Variants in VSNL1 observed in about 807,000 individuals in gnomAD.
VSNL1 encodes visinin like 1.
In VSNL1, 6 loss-of-function variants were observed where a neutral mutation model predicts 20.4. That is an observed-to-expected ratio of 0.29 (90% CI 0.16 to 0.58). The LOEUF (loss-of-function observed/expected upper bound fraction) is 0.58. Ranked by LOEUF, VSNL1 falls within the 20% of genes least tolerant of loss-of-function variation. VSNL1 has a pLI of 0.90. For synonymous variants in VSNL1, 93 were observed against 86.4 expected (o/e 1.08, Z -0.42); for missense variants, 100 against 234.5 (o/e 0.43, Z 3.75).
intron 3 of VSNL1, among the ~76,000 whole-genome samples, chr2:17,652,736 T>C (rs1226107778): frequency 6.6e-6 from 1 of 152,242 alleles, no homozygotes; most frequent in African/African-American, 2.4e-5. Flanking sequence ...ACTTTTATCC[T>C]CTGTGTGCAG....
intron 1 of VSNL1, among the ~76,000 whole-genome samples, chr2:17,580,228 G>A (rs1348439999): frequency 6.6e-6 from 1 of 152,160 alleles, no homozygotes; most frequent in East Asian, 1.9e-4. Flanking sequence ...GCCTATGGTT[G>A]GGTCTAGAGT....
chr2:17,622,605 G>C (rs1034794200), intron 2 of VSNL1, among the ~76,000 whole-genome samples: 1 of 134,350 alleles, frequency 7.4e-6, no homozygotes, highest in East Asian at 2.4e-4. Flanking sequence ...AGAAAGAAAA[G>C]AAAGAAAGAT....
chr2:17,575,789 C>T (rs906196842), intron 1 of VSNL1, among the ~76,000 whole-genome samples: 1 of 152,096 alleles, frequency 6.6e-6, no homozygotes, highest in Non-Finnish European at 1.5e-5. Flanking sequence ...CCTGCCTCGG[C>T]CTCCCAAAGT....
intron 2 of VSNL1, among the ~76,000 whole-genome samples, chr2:17,625,248 A>G (rs1480626319): frequency 6.6e-6 from 1 of 152,262 alleles, no homozygotes; most frequent in East Asian, 1.9e-4. Flanking sequence ...TCTTTTGTAA[A>G]TTGCCCAGTC....
At chr2:17,557,614 A>G (rs756631838) in intron 1 of VSNL1, among the ~76,000 whole-genome samples, 2 of 152,292 alleles carry the variant, frequency 1.3e-5, no homozygotes, top group South Asian at 2.1e-4. Flanking sequence ...TGAGATTGCT[A>G]CTAACACTCG....
chr2:17,612,062 CTG>C (rs10538751), intron 2 of VSNL1, among the ~76,000 whole-genome samples: 17,366 of 152,058 alleles, frequency 0.11, 1,218 homozygotes, highest in Middle Eastern at 0.19. Flanking sequence ...TTCATGCACT[CTG>C]TGTGTGTGTG....
chr2:17,647,870 A>G (rs1454008088), intron 2 of VSNL1, among the ~76,000 whole-genome samples: 2 of 152,204 alleles, frequency 1.3e-5, no homozygotes, highest in Admixed American at 6.5e-5. Context: ...GAGGCCCGAC[A>G]TGAATAAGAA....
chr2:17,612,348 T>G (rs1665111885), intron 2 of VSNL1, among the ~76,000 whole-genome samples: 1 of 152,174 alleles, frequency 6.6e-6, no homozygotes, highest in South Asian at 2.1e-4. Context: ...CCCTAAGTGC[T>G]CCACAGTGTA....
At chr2:17,622,605 G>GA (rs1665412398) in intron 2 of VSNL1, among the ~76,000 whole-genome samples, 1 of 134,348 alleles carries the variant, frequency 7.4e-6, no homozygotes, top group Non-Finnish European at 1.7e-5. Flanking sequence ...AGAAAGAAAA[G>GA]AAAGAAAGAT....
rs540061074 is a variant in VSNL1, at chr2:17,591,283, G to C, written c.-5-787G>C. Among the ~76,000 whole-genome samples, 242 of 152,276 alleles carry C rather than the reference G, an allele frequency of 1.6e-3. 1 individual carries two copies. The highest frequency in any genetic ancestry group is 5.6e-3 in the African/African-American group (234 of 41,536). ...TCAGGAATTATCTCAAGCCTGCTCT[G>C]TCTCCCTACTCCCTGCTGTGATGTT... On this transcript the variant is annotated intron_variant, in intron 1 of 3. Coordinates refer to ENST00000295156, the MANE Select transcript of VSNL1 (RefSeq NM_003385.5).
At chr2:17,598,410 T>A (rs191508509) in intron 2 of VSNL1, among the ~76,000 whole-genome samples, 3 of 152,354 alleles carry the variant, frequency 2.0e-5, no homozygotes, top group Non-Finnish European at 4.4e-5. Context: ...GCTTTCAAAC[T>A]GTAACGCATC....
chr2:17,595,719 C>T (rs903135835), intron 2 of VSNL1, among the ~76,000 whole-genome samples: 1 of 139,262 alleles, frequency 7.2e-6, no homozygotes, highest in Non-Finnish European at 1.7e-5. Context: ...TCCAGTGTGA[C>T]GTGTCTTTAG....
intron 1 of VSNL1, among the ~76,000 whole-genome samples, chr2:17,575,986 A>G (rs1664204094): frequency 6.6e-6 from 1 of 152,218 alleles, no homozygotes; most frequent in African/African-American, 2.4e-5. Flanking sequence ...TAACTTAAAA[A>G]TAAATTTTTT....
chr2:17,601,863 G>A (rs1664828140), intron 2 of VSNL1, among the ~76,000 whole-genome samples: 1 of 152,024 alleles, frequency 6.6e-6, no homozygotes, highest in Non-Finnish European at 1.5e-5. Flanking sequence ...TTGAACCCGG[G>A]AGGCAGAGGT....
At chr2:17,594,720 C>T (rs1000409060) in intron 2 of VSNL1, among the ~76,000 whole-genome samples, 3 of 152,238 alleles carry the variant, frequency 2.0e-5, no homozygotes, top group South Asian at 4.2e-4. Context: ...CTACCAGACC[C>T]GTTTCCCTTT....
intron 1 of VSNL1, among the ~76,000 whole-genome samples, chr2:17,555,422 T>C (rs1195436321): frequency 6.6e-6 from 1 of 152,176 alleles, no homozygotes; most frequent in Admixed American, 6.5e-5. Flanking sequence ...AATACAGTTT[T>C]TATGCCATGC....
intron 1 of VSNL1, among the ~76,000 whole-genome samples, chr2:17,548,818 A>C (rs1438283063): frequency 1.3e-5 from 2 of 152,158 alleles, no homozygotes; most frequent in Non-Finnish European, 2.9e-5. Flanking sequence ...CAGTCCTAGA[A>C]AGCGTGTGCT....
At chr2:17,647,569 G>A (rs562322283) in intron 2 of VSNL1, among the ~76,000 whole-genome samples, 9 of 152,238 alleles carry the variant, frequency 5.9e-5, no homozygotes, top group African/African-American at 1.7e-4. Flanking sequence ...AAAACTCAGC[G>A]CCTGGCAGCC....
chr2:17,609,789 T>C (rs1053472577), intron 2 of VSNL1, among the ~76,000 whole-genome samples: 2 of 152,228 alleles, frequency 1.3e-5, no homozygotes, highest in Admixed American at 6.5e-5. Context: ...GTCCCACCAA[T>C]TGATCACTTC....
Sources: gnomAD v4.1 joint callset for allele counts (sites outside exome capture counted in the v4.1 genomes callset) on GRCh38, gnomAD v4.1.1 for gene constraint, MANE v1.5 for transcripts, NCBI Gene and HGNC (gene_info 2026-07-23, HGNC 2026-07-21) for gene names.